Variants in SUMF1 observed in about 807,000 individuals in gnomAD.
SUMF1 encodes the protein formylglycine-generating enzyme.
In SUMF1, 48 loss-of-function variants were observed where a neutral mutation model predicts 47.6. That is an observed-to-expected ratio of 1.01 (90% CI 0.80 to 1.28). The LOEUF (loss-of-function observed/expected upper bound fraction) is 1.28. SUMF1 is among the 50% of genes most tolerant of loss of function. The probability of loss-of-function intolerance (pLI) is 0.00; values close to 1 mark genes in which losing one functional copy is unlikely to be tolerated. For synonymous variants in SUMF1, 230 were observed against 192.1 expected (o/e 1.20, Z -1.63); for missense variants, 571 against 485.4 (o/e 1.18, Z -1.66).
Position 4,361,839 on chromosome 3 carries a change from G to C in SUMF1, c.*305C>G, listed in dbSNP as rs141387556. 2.9e-4 allele frequency: 115 copies of C among 390,004 alleles called. No homozygotes were observed. Among genetic ancestry groups the C allele is most frequent in the African/African-American group, 2.1e-3 (104 of 48,480 alleles). 24.2% of individuals were successfully genotyped at this position (390,004 alleles called of 1,614,324 possible). On this transcript the variant is annotated 3_prime_UTR_variant, in exon 9 of 9. Coordinates refer to ENST00000272902, the MANE Select transcript of SUMF1 (RefSeq NM_182760.4). ...GACCTGGGGTCTAACCCCTGTGGCAGAGCCTGCGTAGGACGCGGGCCTCCT... is the reference window on the plus strand; with the variant it reads ...GACCTGGGGTCTAACCCCTGTGGCACAGCCTGCGTAGGACGCGGGCCTCCT...
intron 3 of SUMF1, among the ~76,000 whole-genome samples, chr3:4,438,555 C>A (rs550590836): frequency 8.8e-4 from 134 of 152,290 alleles, no homozygotes; most frequent in Middle Eastern, 6.8e-3. Flanking sequence ...GAGCCAGAAC[C>A]CCTACTTACC....
At chr3:4,456,454 GTTTTTT>G (rs775343012) in intron 1 of SUMF1, among the ~76,000 whole-genome samples, 1 of 134,094 alleles carries the variant, frequency 7.5e-6, no homozygotes, top group African/African-American at 2.8e-5. Flanking sequence ...GTTTTTCTTT[GTTTTTT>G]TTTTTTTTTG....
At chr3:4,151,251 GATA>G (rs1694312820) in intron 8 of SUMF1, among the ~76,000 whole-genome samples, 1 of 80,028 alleles carries the variant, frequency 1.2e-5, no homozygotes, top group Non-Finnish European at 2.7e-5. Context: ...ACATATAATA[GATA>G]AACATTAAAA....
intron 8 of SUMF1, among the ~76,000 whole-genome samples, chr3:4,258,516 T>G (rs1265155119): frequency 6.6e-6 from 1 of 150,678 alleles, no homozygotes; most frequent in East Asian, 1.9e-4. Flanking sequence ...GAAAAAATGC[T>G]CATCATCACT....
At chr3:4,415,750 T>C (rs929422015) in intron 6 of SUMF1, among the ~76,000 whole-genome samples, 1 of 152,082 alleles carries the variant, frequency 6.6e-6, no homozygotes, top group Non-Finnish European at 1.5e-5. Flanking sequence ...GAGACAGAGG[T>C]TGCAGTGAGC....
rs576848240 is a variant in SUMF1, at chr3:4,463,899, C to T, written c.270+3077G>A. Among the ~76,000 whole-genome samples the T allele has an allele frequency of 1.2e-3, 179 of 152,262 alleles. 1 individual carries two copies. The highest frequency in any genetic ancestry group is 4.1e-3 in the African/African-American group (172 of 41,544). ...CTCAATGAGAATCATATTTTTATAA[C>T]CAGAGGGAATACACATTAAATTTTT... On this transcript the variant is annotated intron_variant, in intron 1 of 8. Transcript: ENST00000272902.
intron 8 of SUMF1, among the ~76,000 whole-genome samples, chr3:4,323,679 T>A (rs766529117): frequency 1.3e-5 from 2 of 152,122 alleles, no homozygotes; most frequent in Non-Finnish European, 2.9e-5. Flanking sequence ...ACTCTGAACA[T>A]TTGTTTCTGG....
At chr3:4,278,015 A>C (rs1414117046) in intron 8 of SUMF1, among the ~76,000 whole-genome samples, 1 of 152,166 alleles carries the variant, frequency 6.6e-6, no homozygotes, top group Non-Finnish European at 1.5e-5. Context: ...CTACAAAATG[A>C]ATTTCTTTTT....
chr3:4,457,051 CG>C (rs1479488405), intron 1 of SUMF1, among the ~76,000 whole-genome samples: 4 of 65,366 alleles, frequency 6.1e-5, no homozygotes, highest in African/African-American at 1.9e-4. Flanking sequence ...TATATATATA[CG>C]TGTGTGTATA....
Position 4,294,241 on chromosome 3 carries a change from T to C in SUMF1, c.1014+82089A>G, listed in dbSNP as rs1697798436. ...TTAATTAAAATTGATAAATTTGAAA[T>C]TCAGCTCTTCGGTCACACTAGCCAT... On this transcript the variant is annotated intron_variant and NMD_transcript_variant, in intron 8 of 12. Coordinates refer to the SUMF1 transcript ENST00000448413. Among the ~76,000 whole-genome samples, 5 of 152,178 alleles carry C rather than the reference T, an allele frequency of 3.3e-5. No homozygotes were observed. The South Asian group carries it at 1.0e-3, about 32-fold the overall frequency.
chr3:4,048,316 C>T (rs1418678184), intron 9 of SUMF1, among the ~76,000 whole-genome samples: 4 of 152,122 alleles, frequency 2.6e-5, no homozygotes, highest in African/African-American at 7.2e-5. Context: ...ATAGCATATA[C>T]GGTATGCAGG....
At chr3:4,077,292 A>C (rs551197880) in intron 8 of SUMF1, among the ~76,000 whole-genome samples, 5 of 152,246 alleles carry the variant, frequency 3.3e-5, no homozygotes, top group Admixed American at 2.0e-4. Flanking sequence ...TTGACCCAGC[A>C]ATCCCATTAC....
intron 8 of SUMF1, among the ~76,000 whole-genome samples, chr3:4,253,608 C>A (rs182466423): frequency 1.3e-5 from 2 of 151,878 alleles, no homozygotes; most frequent in African/African-American, 2.4e-5. Flanking sequence ...CTCAGAGGGT[C>A]CTACGCCCAA....
chr3:4,418,096 A>T lies in SUMF1; in HGVS notation c.639T>A (p.Asp213Glu). Residue 213 changes from aspartate to glutamate, a missense_variant, in exon 5 of 9, where the codon GAT (aspartate) becomes GAA (glutamate). Coordinates refer to ENST00000272902, the MANE Select transcript of SUMF1 (RefSeq NM_182760.4). ...CTGCCCAAGTGCAGTAGGCAACCGCATCATTCCAGGACACATGGAGAACTG... is the reference window on the plus strand; with the variant it reads ...CTGCCCAAGTGCAGTAGGCAACCGCTTCATTCCAGGACACATGGAGAACTG... ...DHPVLHVSWN[D>E]AVAYCTWAGK... 1 of 1,614,116 alleles carries T rather than the reference A, an allele frequency of 6.2e-7. No individual in the cohort carries two copies. The highest frequency in any genetic ancestry group is 8.5e-7 in the Non-Finnish European group (1 of 1,180,020).
At chr3:4,099,876 T>C (rs998436391) in intron 8 of SUMF1, among the ~76,000 whole-genome samples, 2 of 150,718 alleles carry the variant, frequency 1.3e-5, no homozygotes, top group Non-Finnish European at 3.0e-5. Context: ...AAAAAATACA[T>C]AGGTGTAAAT....
At chr3:4,181,343 G>A (rs566446054) in intron 8 of SUMF1, among the ~76,000 whole-genome samples, 3 of 152,220 alleles carry the variant, frequency 2.0e-5, no homozygotes, top group South Asian at 2.1e-4. Context: ...ATTATGGTTC[G>A]AAGCTTAAAT....
chr3:4,118,570 A>G (rs1008351365), intron 8 of SUMF1, among the ~76,000 whole-genome samples: 2 of 152,130 alleles, frequency 1.3e-5, no homozygotes, highest in Non-Finnish European at 2.9e-5. Context: ...GTTTTCAAGT[A>G]CTATTTATAC....
At chr3:4,162,402 G>C (rs1694600619) in intron 8 of SUMF1, among the ~76,000 whole-genome samples, 1 of 152,138 alleles carries the variant, frequency 6.6e-6, no homozygotes, top group African/African-American at 2.4e-5. Context: ...TGCAGTCCTT[G>C]TGGCCTAGAC....
chr3:4,174,286 G>T (rs1038529019), intron 8 of SUMF1, among the ~76,000 whole-genome samples: 9 of 150,248 alleles, frequency 6.0e-5, no homozygotes, highest in Non-Finnish European at 1.2e-4. Flanking sequence ...ACCCCAGGAG[G>T]CGGAGCTTGC....
Sources: gnomAD v4.1 joint callset for allele counts (sites outside exome capture counted in the v4.1 genomes callset) on GRCh38, gnomAD v4.1.1 for gene constraint, MANE v1.5 for transcripts, NCBI Gene and HGNC (gene_info 2026-07-23, HGNC 2026-07-21) for gene names.